HTRA3: variants seen among roughly 807,000 people sequenced by gnomAD.
HTRA3 encodes the protein serine protease HTRA3.
A neutral mutation model predicts 43.2 loss-of-function variants in HTRA3; 41 were observed. The ratio of observed to expected loss-of-function variants is 0.95; its 90% CI spans 0.74 to 1.23. HTRA3 has a LOEUF of 1.23. Ranked by LOEUF, HTRA3 falls within the 50% of genes most tolerant of loss-of-function variation. The pLI, the probability that HTRA3 is intolerant of heterozygous loss-of-function variation, is 0.00. For synonymous variants in HTRA3, 295 were observed against 287.9 expected (o/e 1.02, Z -0.25); for missense variants, 628 against 647.1 (o/e 0.97, Z 0.32).
intron 8 of HTRA3, among the ~76,000 whole-genome samples, chr4:8,305,585 A>G (rs1041499865): frequency 6.6e-6 from 1 of 152,206 alleles, no homozygotes. Context: ...TGCCTCCCAC[A>G]TAGACGTCTT....
intron 1 of HTRA3, among the ~76,000 whole-genome samples, chr4:8,278,166 C>T (rs1269313279): frequency 6.6e-6 from 1 of 152,094 alleles, no homozygotes; most frequent in Non-Finnish European, 1.5e-5. Flanking sequence ...GCACGTGGTC[C>T]TCTCTCAGGG....
chr4:8,296,177 A>C lies in HTRA3; in HGVS notation c.1051+1976A>C. 1.1e-5 allele frequency: 11 copies of C among 987,730 alleles called. No individual in the cohort carries two copies. Among genetic ancestry groups the C allele is most frequent in the Non-Finnish European group, 1.3e-5 (11 of 831,566 alleles). The allele number at this position is 987,730 out of a possible 1,614,324, so 61.2% of individuals were successfully genotyped here. ...GTGGCTTTCCTTGGAAGTGGATGAT[A>C]GTGTCCTCTTCCCTTCTTGCCTCTC... On this transcript the variant is annotated intron_variant, in intron 6 of 8. Coordinates refer to ENST00000307358, the MANE Select transcript of HTRA3 (RefSeq NM_053044.5). The surrounding 1 kb of genome is among the most constrained non-coding windows in gnomAD (Gnocchi z 5.3).
chr4:8,306,160 G>T lies in HTRA3; in HGVS notation c.*24G>T. On this transcript the variant is annotated 3_prime_UTR_variant, in exon 9 of 9. Coordinates refer to ENST00000307358, the MANE Select transcript of HTRA3 (RefSeq NM_053044.5). The surrounding 1 kb of genome is among the most constrained non-coding windows in gnomAD (Gnocchi z 8.9). ...GAGGGGCGCATTCCTCCAGCGCCAA[G>T]CGTCAGAGCCTGCAGACAACGGAGG... The T allele has an allele frequency of 6.5e-7, 1 of 1,548,348 alleles. No homozygotes were observed. The highest frequency in any genetic ancestry group is 8.8e-7 in the Non-Finnish European group (1 of 1,141,872).
Position 8,282,525 on chromosome 4 carries a change from G to T in HTRA3, c.474G>T (p.Glu158Asp). ...EKIAPAVVHIELFLRHPLFGR... is the reference protein window; with the variant it reads ...EKIAPAVVHIDLFLRHPLFGR... ...TCGCACCAGCCGTGGTCCACATAGAGCTCTTCCTGAGGTGGGTGAATACCC... is the reference window on the plus strand; with the variant it reads ...TCGCACCAGCCGTGGTCCACATAGATCTCTTCCTGAGGTGGGTGAATACCC... The change falls in exon 2 of 9, where the codon GAG (glutamate) becomes GAT (aspartate). Residue 158 changes from glutamate to aspartate, a missense_variant. Coordinates refer to ENST00000307358, the MANE Select transcript of HTRA3 (RefSeq NM_053044.5). 1 of 1,613,648 alleles carries T rather than the reference G, an allele frequency of 6.2e-7. No homozygotes were observed. The highest frequency in any genetic ancestry group is 2.2e-5 in the East Asian group (1 of 44,872).
Position 8,297,367 on chromosome 4 carries a change from G to A in HTRA3, c.1051+3166G>A, listed in dbSNP as rs1460251555. 6.6e-6 allele frequency among the ~76,000 whole-genome samples: 1 copy of A among 152,242 alleles called. No homozygotes were observed. ...TTACCAGGCCTCTGCTTTCCCGCCC[G>A]CACAGTGGGTCTAAGTCAGAGGGGA... is the stretch of plus-strand genomic sequence containing the variant. On this transcript the variant is annotated intron_variant, in intron 6 of 8. Transcript: ENST00000307358. This position sits in a 1 kb window ranked among gnomAD's most constrained non-coding sequence, Gnocchi z 5.8.
chr4:8,278,808 C>T (rs111652116), intron 1 of HTRA3, among the ~76,000 whole-genome samples: 13 of 152,366 alleles, frequency 8.5e-5, no homozygotes, highest in African/African-American at 2.9e-4. Flanking sequence ...AAGCCTCAGT[C>T]TCCTGGGCCA....
chr4:8,275,788 G>A (rs1191238077), intron 1 of HTRA3, among the ~76,000 whole-genome samples: 2 of 152,220 alleles, frequency 1.3e-5, no homozygotes, highest in Non-Finnish European at 1.5e-5. Flanking sequence ...TTGATGTCCT[G>A]GTCCTGTATG....
intron 2 of HTRA3, among the ~76,000 whole-genome samples, chr4:8,283,173 G>A (rs1425609322): frequency 6.6e-6 from 1 of 152,208 alleles, no homozygotes; most frequent in East Asian, 1.9e-4. Flanking sequence ...GAATGAATGA[G>A]TGAGGGAGGG....
In HTRA3 at chr4:8,296,371, A is replaced by G. The variant is rs977334555; in HGVS notation, c.1051+2170A>G. Reference sequence around the variant, plus strand: ...GTGCAGACTAACTGAGGAGCCTGATAAACCTTAGCTGCATGGCACACTTGC... The same window carrying G: ...GTGCAGACTAACTGAGGAGCCTGATGAACCTTAGCTGCATGGCACACTTGC... On this transcript the variant is annotated intron_variant, in intron 6 of 8. Coordinates refer to ENST00000307358, the MANE Select transcript of HTRA3 (RefSeq NM_053044.5). The surrounding 1 kb of genome is among the most constrained non-coding windows in gnomAD (Gnocchi z 5.3). The G allele has an allele frequency of 1.0e-6, 1 of 985,336 alleles. No individual in the cohort carries two copies. Among genetic ancestry groups the G allele is most frequent in the Non-Finnish European group, 1.2e-6 (1 of 829,966 alleles). The allele number at this position is 985,336 out of a possible 1,614,324, so 61.0% of individuals were successfully genotyped here. A position where few individuals can be genotyped will look rare whatever the true frequency, so the allele number is the denominator to read the frequency against.
At chr4:8,287,153 C>A (rs1012467834) in intron 3 of HTRA3, among the ~76,000 whole-genome samples, 15 of 152,160 alleles carry the variant, frequency 9.9e-5, no homozygotes, top group Non-Finnish European at 1.9e-4. Context: ...GGCGTGGAGG[C>A]CAGGGGGCTG....
chr4:8,305,395 C>A (rs1450951895), intron 8 of HTRA3, among the ~76,000 whole-genome samples: 1 of 152,260 alleles, frequency 6.6e-6, no homozygotes, highest in Non-Finnish European at 1.5e-5. Flanking sequence ...CTGCCCTCAC[C>A]CATTTTACAG....
In HTRA3 at chr4:8,270,141, A is replaced by C. The variant is rs745539771; in HGVS notation, c.173A>C (p.Glu58Ala). ...TGCTGCCTGGTGTGCGCCGCCAGCGAGGGCGAGCCCTGTGGCGGCCCTCTG... is the reference window on the plus strand; with the variant it reads ...TGCTGCCTGGTGTGCGCCGCCAGCGCGGGCGAGCCCTGTGGCGGCCCTCTG... ...CNCCLVCAASEGEPCGGPLDS... is the reference protein window; with the variant it reads ...CNCCLVCAASAGEPCGGPLDS... The change falls in exon 1 of 9, where the codon GAG (glutamate) becomes GCG (alanine). Residue 58 changes from glutamate to alanine, a missense_variant. Glu to Ala is a moderately radical substitution (Grantham distance 107, BLOSUM62 -1). Transcript: ENST00000307358. 3 of 1,544,052 alleles carry C rather than the reference A, an allele frequency of 1.9e-6. No homozygotes were observed. The highest frequency in any genetic ancestry group is 2.6e-6 in the Non-Finnish European group (3 of 1,157,326).
Position 8,292,285 on chromosome 4 carries a change from G to T in HTRA3, c.904-36G>T, listed in dbSNP as rs770305800. The T allele has an allele frequency of 1.5e-5, 24 of 1,605,594 alleles. No homozygotes were observed. The East Asian group carries it at 4.5e-4, about 30-fold the overall frequency. ...GGGGCTCCAGGAAGCCTCAGGCGGG[G>T]TCAGGCACAGCTAATGCTGTTTCCT... On this transcript the variant is annotated intron_variant, in intron 4 of 8. Coordinates refer to ENST00000307358, the MANE Select transcript of HTRA3 (RefSeq NM_053044.5).
intron 8 of HTRA3, among the ~76,000 whole-genome samples, chr4:8,305,249 G>A (rs1254507402): frequency 1.3e-5 from 2 of 152,370 alleles, no homozygotes; most frequent in Non-Finnish European, 2.9e-5. Context: ...GAGGCCCCGC[G>A]TGAACTTCTG....
rs1409515439 is a variant in HTRA3, at chr4:8,297,079, T to C, written c.1051+2878T>C. On this transcript the variant is annotated intron_variant, in intron 6 of 8. Transcript: ENST00000307358. The surrounding 1 kb of genome is among the most constrained non-coding windows in gnomAD (Gnocchi z 5.8). ...TGGTCTCAGAAGCCAAAAGGTTCCC[T>C]GGTCTCAGAAGCCATAAGGTCCCTT... Among the ~76,000 whole-genome samples the C allele has an allele frequency of 6.6e-6, 1 of 152,026 alleles. No individual in the cohort carries two copies. Among genetic ancestry groups the C allele is most frequent in the Non-Finnish European group, 1.5e-5 (1 of 67,982 alleles).
intron 1 of HTRA3, among the ~76,000 whole-genome samples, chr4:8,271,743 T>G (rs1553816437): frequency 6.6e-6 from 1 of 152,008 alleles, no homozygotes; most frequent in African/African-American, 2.4e-5. Context: ...GGCCGAACGC[T>G]GCCTGTAGCC....
At chr4:8,283,997 G>A (rs917510263) in intron 2 of HTRA3, among the ~76,000 whole-genome samples, 8 of 152,162 alleles carry the variant, frequency 5.3e-5, no homozygotes, top group South Asian at 4.1e-4. Flanking sequence ...AGCAGAGGTC[G>A]TGCTCCTTGA....
At chr4:8,303,320 G>A (rs1292792913) in intron 7 of HTRA3, among the ~76,000 whole-genome samples, 1 of 152,230 alleles carries the variant, frequency 6.6e-6, no homozygotes, top group Non-Finnish European at 1.5e-5. Context: ...AGCTCCTTGG[G>A]AGCAAGGACT....
At chr4:8,290,821 G>A (rs1713204454) in intron 3 of HTRA3, among the ~76,000 whole-genome samples, 1 of 152,174 alleles carries the variant, frequency 6.6e-6, no homozygotes, top group African/African-American at 2.4e-5. Context: ...CAGTGTGCGC[G>A]GCGTGGGGTG....
Sources: gnomAD v4.1 joint callset for allele counts (sites outside exome capture counted in the v4.1 genomes callset) on GRCh38, gnomAD v4.1.1 for gene constraint, Gnocchi (gnomAD v3.1) non-coding constraint, MANE v1.5 for transcripts, NCBI Gene and HGNC (gene_info 2026-07-23, HGNC 2026-07-21) for gene names.